The following FUT6 variants were observed in gnomAD, a reference collection of about 807,000 sequenced individuals.
FUT6 encodes the protein 4-galactosyl-N-acetylglucosaminide 3-alpha-L-fucosyltransferase FUT6.
For missense variants in FUT6, 454 were observed against 494.6 expected (o/e 0.92, Z 0.78); for synonymous variants, 187 against 209.9 (o/e 0.89, Z 0.94).
Position 5,832,702 on chromosome 19 carries a change from C to T in FUT6, c.-12-123G>A. 2 of 769,356 alleles carry T rather than the reference C, an allele frequency of 2.6e-6. No homozygotes were observed. The highest frequency in any genetic ancestry group is 2.7e-5 in the East Asian group (1 of 37,698). The allele number at this position is 769,356 out of a possible 1,614,324, so 47.7% of individuals were successfully genotyped here. A position where few individuals can be genotyped will look rare whatever the true frequency, so the allele number is the denominator to read the frequency against. On this transcript the variant is annotated intron_variant, in intron 2 of 2. Transcript: ENST00000318336. The surrounding 1 kb of genome is among the most constrained non-coding windows in gnomAD (Gnocchi z 4.3). ...TGTTACACAGATGAGAAAACTGAGA[C>T]CAAGTGACTCACAGCAAAAGTCAGC...
Position 5,832,213 on chromosome 19 carries a change from G to C in FUT6, c.355C>G (p.Gln119Glu). Reference protein sequence around the residue: ...HREVMYNPSAQLPRSPRRQGQ... With the variant: ...HREVMYNPSAELPRSPRRQGQ... Reference sequence around the variant, plus strand: ...TGCCGCCTCGGGGAGCGTGGGAGCTGGGCACTGGGGTTGTACATGACCTCT... The same window carrying C: ...TGCCGCCTCGGGGAGCGTGGGAGCTCGGCACTGGGGTTGTACATGACCTCT... The change falls in exon 3 of 3, where the codon CAG becomes GAG. Residue 119 changes from glutamine (Q) to glutamate (E), a missense_variant. Transcript: ENST00000318336. This position sits in a 1 kb window ranked among gnomAD's most constrained non-coding sequence, Gnocchi z 4.3. The C allele has an allele frequency of 1.9e-6, 3 of 1,614,000 alleles. No individual in the cohort carries two copies. The South Asian group carries it at 3.3e-5, about 18-fold the overall frequency.
In FUT6 at chr19:5,831,842, G is replaced by C. The variant is rs748913205; in HGVS notation, c.726C>G (p.Phe242Leu). ...GCAAGGAGTTCTCGAAGGCCAGATA[G>C]AACTTGTACCGGGACAGCGTCTCCA... ...TMMETLSRYK[F>L]YLAFENSLHP... Residue 242 changes from phenylalanine (F) to leucine (L), a missense_variant, in exon 3 of 3, where the codon TTC becomes TTG. Coordinates refer to ENST00000318336, the MANE Select transcript of FUT6 (RefSeq NM_000150.4). This position sits in a 1 kb window ranked among gnomAD's most constrained non-coding sequence, Gnocchi z 7.0. The C allele has an allele frequency of 6.2e-7, 1 of 1,614,000 alleles. No individual in the cohort carries two copies. Among genetic ancestry groups the C allele is most frequent in the Admixed American group, 1.7e-5 (1 of 60,018 alleles).
At position 5,832,660 on chromosome 19, in the gene FUT6, A is replaced by G. The variant is rs1296255969; in HGVS notation, c.-12-81T>C. 14 of 1,068,670 alleles carry G rather than the reference A, an allele frequency of 1.3e-5. No homozygotes were observed. The highest frequency in any genetic ancestry group is 2.0e-5 in the Non-Finnish European group (14 of 699,372). 66.2% of individuals were successfully genotyped at this position (1,068,670 alleles called of 1,614,324 possible). A position where few individuals can be genotyped will look rare whatever the true frequency, so the allele number is the denominator to read the frequency against. On this transcript the variant is annotated intron_variant, in intron 2 of 2. Coordinates refer to ENST00000318336, the MANE Select transcript of FUT6 (RefSeq NM_000150.4). This position sits in a 1 kb window ranked among gnomAD's most constrained non-coding sequence, Gnocchi z 4.3. ...AAGCTCCAGGCCATGAGTCCTGAGA[A>G]GAGCTGTTATTATTCCTGTTACACA...
At chr19:5,833,960 C>G (rs562933980) in intron 2 of FUT6, among the ~76,000 whole-genome samples, 30 of 152,028 alleles carry the variant, frequency 2.0e-4, no homozygotes, top group African/African-American at 7.2e-4. Flanking sequence ...GGAGAACCCA[C>G]ATGTCTACTA....
At chr19:5,837,050 T>C (rs1333058182) in intron 1 of FUT6, among the ~76,000 whole-genome samples, 1 of 152,118 alleles carries the variant, frequency 6.6e-6, no homozygotes, top group Admixed American at 6.6e-5. Flanking sequence ...TTTGTTTGTT[T>C]GTTCTGAGAT....
chr19:5,833,485 G>GA (rs887388902), intron 2 of FUT6, among the ~76,000 whole-genome samples: 9,667 of 117,990 alleles, frequency 0.082, 496 homozygotes, highest in African/African-American at 0.17. Context: ...TTCTATCTTG[G>GA]AAAAAAAAAA....
Position 5,839,006 on chromosome 19 carries a change from A to G in FUT6, c.-470T>C, listed in dbSNP as rs1012539302. On this transcript the variant is annotated 5_prime_UTR_variant, in exon 1 of 3. Transcript: ENST00000318336. ...TTCAATGCGATGTGGCTTTGAGTAC[A>G]AAGTGAAAAGGCTGACCTGAACCAC... The G allele has an allele frequency of 3.9e-5, 6 of 152,236 alleles. No individual in the cohort carries two copies. The highest frequency in any genetic ancestry group is 5.9e-5 in the Non-Finnish European group (4 of 68,048). The allele number at this position is 152,236 out of a possible 1,614,324, so 9.4% of individuals were successfully genotyped here.
Position 5,831,928 on chromosome 19 carries a change from C to T in FUT6, c.640G>A (p.Ala214Thr), listed in dbSNP as rs769901116. Residue 214 changes from alanine to threonine, a missense_variant, in exon 3 of 3, where the codon GCC becomes ACC. Ala to Thr is a moderately conservative substitution (Grantham distance 58). Coordinates refer to ENST00000318336, the MANE Select transcript of FUT6 (RefSeq NM_000150.4). This position sits in a 1 kb window ranked among gnomAD's most constrained non-coding sequence, Gnocchi z 7.0. ...CCGTACACGTCCACCTTGAGATGGG[C>T]CTGCAGGCTCTGGTAGTAGCGCACC... ...ARVRYYQSLQ[A>T]HLKVDVYGRS... is the part of the protein sequence containing the mutation. 2.5e-6 allele frequency: 4 copies of T among 1,613,972 alleles called. No individual in the cohort carries two copies. Among genetic ancestry groups the T allele is most frequent in the Non-Finnish European group, 2.5e-6 (3 of 1,179,884 alleles).
rs142774588 is a variant in FUT6, at chr19:5,830,976, C to T, written c.*512G>A. ...ATTATCTCTCTGCACCCCTCACAGGCGGCTAACAACATCACAAACAAATCA... is the reference window on the plus strand; with the variant it reads ...ATTATCTCTCTGCACCCCTCACAGGTGGCTAACAACATCACAAACAAATCA... On this transcript the variant is annotated 3_prime_UTR_variant, in exon 3 of 3. Transcript: ENST00000318336. 1,160 of 386,634 alleles carry T rather than the reference C, an allele frequency of 3.0e-3. 20 individuals carry two copies. In the East Asian group the frequency reaches 0.048, roughly 16 times the overall value. The allele number at this position is 386,634 out of a possible 1,614,324, so 24.0% of individuals were successfully genotyped here.
rs1476084384 is a variant in FUT6 at position 5,832,267 on chromosome 19, G to A, written c.301C>T (p.Gln101Ter). 6.2e-7 allele frequency: 1 copy of A among 1,614,020 alleles called. No individual in the cohort carries two copies. ...TGGTGCACGATGACCGCGTCTGCCT[G>A]TGGATACACCTTGCGGTCGGCAGTG... ...NITADRKVYPQADAVIVHHRE... is the reference protein window; with the variant it reads ...NITADRKVYP The change falls in exon 3 of 3, where the codon CAG becomes TAG. Residue 101 changes from glutamine to a stop codon, truncating the protein, a stop_gained. Transcript: ENST00000318336. LOFTEE classifies it low-confidence loss of function (END_TRUNC). The surrounding 1 kb of genome is among the most constrained non-coding windows in gnomAD (Gnocchi z 4.3).
Position 5,831,596 on chromosome 19 carries a change from C to T in FUT6, c.972G>A (p.Thr324=), listed in dbSNP as rs140002776. The T allele has an allele frequency of 2.1e-5, 34 of 1,613,906 alleles. No individual in the cohort carries two copies. Among genetic ancestry groups the T allele is most frequent in the East Asian group, 1.6e-4 (7 of 44,892 alleles). Residue 324 remains threonine, a synonymous_variant, in exon 3 of 3, where the codon ACG becomes ACA. Coordinates refer to ENST00000318336, the MANE Select transcript of FUT6 (RefSeq NM_000150.4). The surrounding 1 kb of genome is among the most constrained non-coding windows in gnomAD (Gnocchi z 7.0). ...RYLSYFRWRE[T]LRPRSFSWAL... ...CCCAGCTGAAGGAGCGAGGCCGCAG[C>T]GTCTCCCGCCAGCGAAAGTAGCTCA...
rs749542671 is a variant in FUT6, at chr19:5,832,001, G to A, written c.567C>T (p.Thr189=). The A allele has an allele frequency of 2.6e-5, 42 of 1,613,944 alleles. No homozygotes were observed. The South Asian group carries it at 3.0e-4, about 11-fold the overall frequency. ...AHPPLNLSAK[T]ELVAWAVSNW... is the part of the protein sequence containing the mutation. ...TGGACACTGCCCAGGCCACCAGCTC[G>A]GTCTTGGCCGAGAGGTTGAGCGGTG... is the stretch of plus-strand genomic sequence containing the variant. Residue 189 remains threonine, a synonymous_variant, in exon 3 of 3, where the codon ACC becomes ACT. Coordinates refer to ENST00000318336, the MANE Select transcript of FUT6 (RefSeq NM_000150.4). The surrounding 1 kb of genome is among the most constrained non-coding windows in gnomAD (Gnocchi z 4.3).
At position 5,831,589 on chromosome 19, in the gene FUT6, G is replaced by A. The variant is rs1430657774; in HGVS notation, c.979C>T (p.Pro327Ser). The A allele has an allele frequency of 5.0e-6, 8 of 1,614,090 alleles. No individual in the cohort carries two copies. Among genetic ancestry groups the A allele is most frequent in the Non-Finnish European group, 5.9e-6 (7 of 1,180,008 alleles). The change falls in exon 3 of 3, where the codon CCT (proline) becomes TCT (serine). Residue 327 changes from proline to serine, a missense_variant. By Grantham distance (74) the Pro-to-Ser change is moderately conservative (BLOSUM62 -1). Transcript: ENST00000318336. The surrounding 1 kb of genome is among the most constrained non-coding windows in gnomAD (Gnocchi z 7.0). ...SYFRWRETLR[P>S]RSFSWALAFC... ...GCGAGTGCCCAGCTGAAGGAGCGAGGCCGCAGCGTCTCCCGCCAGCGAAAG... is the reference window on the plus strand; with the variant it reads ...GCGAGTGCCCAGCTGAAGGAGCGAGACCGCAGCGTCTCCCGCCAGCGAAAG...
At chr19:5,833,442 T>A (rs1263826763) in intron 2 of FUT6, among the ~76,000 whole-genome samples, 1 of 146,486 alleles carries the variant, frequency 6.8e-6, no homozygotes, top group African/African-American at 2.6e-5. Flanking sequence ...TGAGCCGAGA[T>A]CGCACCGCTG....
chr19:5,836,886 C>G (rs1242664567), intron 1 of FUT6, among the ~76,000 whole-genome samples: 2 of 151,956 alleles, frequency 1.3e-5, no homozygotes, highest in Non-Finnish European at 2.9e-5. Flanking sequence ...AATAAAAACA[C>G]AGAAAACAAA....
intron 1 of FUT6, chr19:5,838,290 G>A (rs1208708844): frequency 6.6e-6 from 1 of 152,208 alleles, no homozygotes; most frequent in African/African-American, 2.4e-5. Context: ...GAGTGGCAGA[G>A]GCAGAGAAAA....
chr19:5,837,584 G>C lies in FUT6; in HGVS notation c.-141+1093C>G, dbSNP rs189399461. Among the ~76,000 whole-genome samples, 35 of 151,818 alleles carry C rather than the reference G, an allele frequency of 2.3e-4. No homozygotes were observed. The East Asian group carries it at 6.9e-3, about 30-fold the overall frequency. ...GTTAGAGACTGTCCTGACCAACATG[G>C]TGAAACCCCGTCTCTACTAAAAATA... On this transcript the variant is annotated intron_variant, in intron 1 of 2. Transcript: ENST00000318336.
intron 1 of FUT6, among the ~76,000 whole-genome samples, chr19:5,837,035 T>TTATG (rs2057189765): frequency 6.6e-6 from 1 of 152,018 alleles, no homozygotes; most frequent in Admixed American, 6.6e-5. Context: ...CCTGTACTTT[T>TTATG]TATGTTTGTT....
chr19:5,830,955 T>C lies in FUT6; in HGVS notation c.*533A>G. ...ACATCTGGAAACGGTGCGGTGATTA[T>C]CTCTCTGCACCCCTCACAGGCGGCT... On this transcript the variant is annotated 3_prime_UTR_variant, in exon 3 of 3. Coordinates refer to ENST00000318336, the MANE Select transcript of FUT6 (RefSeq NM_000150.4). 1 of 340,980 alleles carries C rather than the reference T, an allele frequency of 2.9e-6. No homozygotes were observed. Among genetic ancestry groups the C allele is most frequent in the South Asian group, 2.8e-5 (1 of 35,150 alleles). The allele number at this position is 340,980 out of a possible 1,614,324, so 21.1% of individuals were successfully genotyped here. A position where few individuals can be genotyped will look rare whatever the true frequency, so the allele number is the denominator to read the frequency against.
Sources: allele counts gnomAD v4.1 joint callset (sites outside exome capture counted in the v4.1 genomes callset), GRCh38; gene constraint gnomAD v4.1.1; non-coding constraint Gnocchi (gnomAD v3.1); transcripts MANE v1.5; gene names NCBI Gene and HGNC (gene_info 2026-07-23, HGNC 2026-07-21).